CDK14: variants seen among roughly 807,000 people sequenced by gnomAD.
The protein encoded by CDK14 is cyclin-dependent kinase 14.
In CDK14, 34 loss-of-function variants were observed where a neutral mutation model predicts 60.7. The ratio of observed to expected loss-of-function variants is 0.56; its 90% CI spans 0.43 to 0.75. The LOEUF is 0.75. Ranked by LOEUF, CDK14 falls within the 30% of genes least tolerant of loss-of-function variation. The pLI is 0.00. For missense variants in CDK14, 482 were observed against 564.1 expected (o/e 0.85, Z 1.47); for synonymous variants, 197 against 203.7 (o/e 0.97, Z 0.28).
intron 14 of CDK14, among the ~76,000 whole-genome samples, chr7:91,140,174 G>A (rs909299719): frequency 1.3e-5 from 2 of 152,172 alleles, no homozygotes; most frequent in Non-Finnish European, 2.9e-5. Context: ...TTTTAAAACC[G>A]AGGATCATGG....
At chr7:91,190,291 A>G (rs955887200) in intron 14 of CDK14, among the ~76,000 whole-genome samples, 26 of 152,214 alleles carry the variant, frequency 1.7e-4, no homozygotes, top group African/African-American at 6.0e-4. Context: ...CCCTTAAAGC[A>G]GCCACATGGA....
chr7:90,836,915 T>C (rs559561576), intron 5 of CDK14, among the ~76,000 whole-genome samples: 3 of 152,358 alleles, frequency 2.0e-5, no homozygotes, highest in East Asian at 3.9e-4. Context: ...TTATGCAGCA[T>C]GTAACTGTAT....
intron 2 of CDK14, among the ~76,000 whole-genome samples, chr7:90,616,383 G>C (rs1023234538): frequency 2.0e-5 from 3 of 152,108 alleles, no homozygotes; most frequent in African/African-American, 7.2e-5. Context: ...ATAGGTGCTC[G>C]TTTATTTTAA....
Position 90,738,094 on chromosome 7 carries a change from A to G in CDK14, c.370-9587A>G, listed in dbSNP as rs1011017258. Reference sequence around the variant, plus strand: ...CCGAAGCATGTTTAATATTTCCTCTATGTGGGTGAGGGTTAGGACTCTGTG... The same window carrying G: ...CCGAAGCATGTTTAATATTTCCTCTGTGTGGGTGAGGGTTAGGACTCTGTG... On this transcript the variant is annotated intron_variant, in intron 3 of 14. Coordinates refer to ENST00000380050, the MANE Select transcript of CDK14 (RefSeq NM_001287135.2). 6.6e-5 allele frequency among the ~76,000 whole-genome samples: 10 copies of G among 150,614 alleles called. No homozygotes were observed. In the East Asian group the frequency reaches 1.5e-3, roughly 23 times the overall value.
intron 14 of CDK14, among the ~76,000 whole-genome samples, chr7:91,170,695 A>C (rs1157222057): frequency 6.6e-6 from 1 of 152,174 alleles, no homozygotes; most frequent in Non-Finnish European, 1.5e-5. Flanking sequence ...AATAATTTTA[A>C]ATGATTTTGT....
chr7:90,756,545 C>T (rs1235068711), intron 4 of CDK14, among the ~76,000 whole-genome samples: 3 of 152,182 alleles, frequency 2.0e-5, no homozygotes, highest in Non-Finnish European at 2.9e-5. Flanking sequence ...TCCTTTCCTC[C>T]AGGTGGAGAG....
intron 2 of CDK14, among the ~76,000 whole-genome samples, chr7:90,658,246 A>T (rs1162496181): frequency 6.6e-6 from 1 of 152,190 alleles, no homozygotes; most frequent in African/African-American, 2.4e-5. Context: ...TGGGTGACTT[A>T]TAAACAACAG....
At chr7:91,061,309 T>C (rs1001498136) in intron 11 of CDK14, among the ~76,000 whole-genome samples, 1 of 152,222 alleles carries the variant, frequency 6.6e-6, no homozygotes, top group Non-Finnish European at 1.5e-5. Flanking sequence ...ATCTAATCTT[T>C]TTTCAAGGCT....
intron 14 of CDK14, among the ~76,000 whole-genome samples, chr7:91,189,575 T>G (rs1802294582): frequency 6.6e-6 from 1 of 152,198 alleles, no homozygotes; most frequent in Non-Finnish European, 1.5e-5. Context: ...GTTCACCCAA[T>G]CTGAAAGTGA....
chr7:90,636,687 T>C (rs1266598036), intron 2 of CDK14, among the ~76,000 whole-genome samples: 2 of 152,282 alleles, frequency 1.3e-5, no homozygotes, highest in Non-Finnish European at 1.5e-5. Flanking sequence ...TTCTGTTGAT[T>C]GGAATAGTTT....
chr7:90,716,661 C>T (rs569344062), intron 2 of CDK14, among the ~76,000 whole-genome samples: 1 of 152,088 alleles, frequency 6.6e-6, no homozygotes, highest in East Asian at 1.9e-4. Context: ...CATTTTATTT[C>T]AGAGCTGAAA....
At chr7:90,661,601 G>A (rs1216460328) in intron 2 of CDK14, among the ~76,000 whole-genome samples, 1 of 152,136 alleles carries the variant, frequency 6.6e-6, no homozygotes, top group African/African-American at 2.4e-5. Context: ...AATTCTCAGT[G>A]TTATCATCAA....
chr7:90,729,049 T>C (rs1015816510), intron 3 of CDK14, among the ~76,000 whole-genome samples: 5 of 151,744 alleles, frequency 3.3e-5, no homozygotes, highest in African/African-American at 1.2e-4. Context: ...TTTTTTTTTT[T>C]CATTCGGTAT....
chr7:90,720,193 T>C (rs1362758654), intron 2 of CDK14, among the ~76,000 whole-genome samples: 1 of 152,180 alleles, frequency 6.6e-6, no homozygotes, highest in African/African-American at 2.4e-5. Flanking sequence ...CAGTCTAAGG[T>C]ATGCAAAATA....
At chr7:90,750,888 A>G (rs1803815533) in intron 4 of CDK14, among the ~76,000 whole-genome samples, 1 of 152,160 alleles carries the variant, frequency 6.6e-6, no homozygotes, top group Admixed American at 6.5e-5. Flanking sequence ...AAAGAAAAAA[A>G]AAGAAAAGAA....
At chr7:90,813,066 C>T (rs1238282496) in intron 5 of CDK14, among the ~76,000 whole-genome samples, 1 of 152,184 alleles carries the variant, frequency 6.6e-6, no homozygotes, top group Admixed American at 6.5e-5. Flanking sequence ...TATATTTGTA[C>T]AGCAGTAAAA....
chr7:91,148,355 CA>C (rs34814224), intron 14 of CDK14, among the ~76,000 whole-genome samples: 53,710 of 151,926 alleles, frequency 0.35, 11,193 homozygotes, highest in Non-Finnish European at 0.48. Context: ...CCTGGGCAAT[CA>C]AGCGAGACCC....
In CDK14 at chr7:91,209,248, C is replaced by T. The variant is rs527446440; in HGVS notation, c.*2112C>T. 5 of 152,156 alleles carry T rather than the reference C, an allele frequency of 3.3e-5. No individual in the cohort carries two copies. The highest frequency in any genetic ancestry group is 4.8e-5 in the African/African-American group (2 of 41,430). 9.4% of individuals were successfully genotyped at this position (152,156 alleles called of 1,614,324 possible). A position where few individuals can be genotyped will look rare whatever the true frequency, so the allele number is the denominator to read the frequency against. On this transcript the variant is annotated 3_prime_UTR_variant, in exon 15 of 15. Transcript: ENST00000380050. ...GGCTATTAGAGTTATATCTCCCTGT[C>T]GTAGGCAGCTTCTTCGGAGAAGTGA...
At chr7:91,162,313 C>T (rs1392470531) in intron 14 of CDK14, among the ~76,000 whole-genome samples, 2 of 152,136 alleles carry the variant, frequency 1.3e-5, no homozygotes, top group African/African-American at 4.8e-5. Flanking sequence ...TGTTTCTCTG[C>T]TATGTTTAAA....
Sources: gnomAD v4.1 joint callset for allele counts (sites outside exome capture counted in the v4.1 genomes callset) on GRCh38, gnomAD v4.1.1 for gene constraint, MANE v1.5 for transcripts, NCBI Gene and HGNC (gene_info 2026-07-23, HGNC 2026-07-21) for gene names.